CFAP54: variants seen among roughly 807,000 people sequenced by gnomAD.
The protein encoded by CFAP54 is cilia and flagella associated protein 54, also known as cilia- and flagella-associated protein 54.
CFAP54 carries 290 observed loss-of-function variants against 370.4 expected under a neutral mutation model. The observed-to-expected ratio is 0.78, with a 90% CI of 0.71 to 0.86. The LOEUF (loss-of-function observed/expected upper bound fraction) is 0.86. Ranked by LOEUF, CFAP54 falls within the 40% of genes least tolerant of loss-of-function variation. CFAP54 has a pLI of 0.00. For missense variants in CFAP54, 3,399 were observed against 3,528.7 expected (o/e 0.96, Z 0.93); for synonymous variants, 1,206 against 1,236.5 (o/e 0.98, Z 0.52).
At chr12:96,802,294 A>C (rs1388044752) in intron 63 of CFAP54, among the ~76,000 whole-genome samples, 1 of 151,986 alleles carries the variant, frequency 6.6e-6, no homozygotes, top group Admixed American at 6.6e-5. Context: ...CACCCCACCC[A>C]CTCTGGTCAC....
At chr12:96,509,817 A>AAG (rs1230401913) in intron 4 of CFAP54, among the ~76,000 whole-genome samples, 1 of 149,958 alleles carries the variant, frequency 6.7e-6, no homozygotes, top group African/African-American at 2.4e-5. Flanking sequence ...CTCCATCTCA[A>AAG]AAAAAAAAAA....
chr12:96,583,957 G>A (rs1702864388), intron 22 of CFAP54, among the ~76,000 whole-genome samples: 1 of 152,014 alleles, frequency 6.6e-6, no homozygotes, highest in East Asian at 1.9e-4. Context: ...CTGTGTTGGT[G>A]TTAATCAGCA....
rs1393975416 is a variant in CFAP54, at chr12:96,737,103, TG to T, written c.6966-2847del. ...AGAAGTGTTTCAGATTTCAGATTTT[TG>T]GGGGGAGTTTGGAATTTTTGCATTA... is the stretch of plus-strand genomic sequence containing the variant. On this transcript the variant is annotated intron_variant, in intron 50 of 67. Transcript: ENST00000524981. 3.9e-5 allele frequency among the ~76,000 whole-genome samples: 6 copies of T among 152,182 alleles called. No homozygotes were observed. In the East Asian group the frequency reaches 1.2e-3, roughly 29 times the overall value.
intron 66 of CFAP54, among the ~76,000 whole-genome samples, chr12:96,857,651 G>A (rs762527136): frequency 4.6e-5 from 7 of 152,152 alleles, no homozygotes; most frequent in Non-Finnish European, 4.4e-5. Flanking sequence ...GGTGGGAGGT[G>A]ATTGGATAAT....
chr12:96,550,753 C>A (rs1457237955), intron 15 of CFAP54, among the ~76,000 whole-genome samples: 6 of 152,016 alleles, frequency 3.9e-5, no homozygotes, highest in Admixed American at 3.9e-4. Flanking sequence ...ATCCCAGGGG[C>A]CAAAATAGAA....
chr12:96,772,470 C>G (rs1053575926), intron 60 of CFAP54, among the ~76,000 whole-genome samples: 2 of 152,158 alleles, frequency 1.3e-5, no homozygotes, highest in Non-Finnish European at 2.9e-5. Context: ...CTCTCTGACC[C>G]GAAACATACT....
chr12:96,807,876 A>G (rs1366737508), intron 63 of CFAP54, among the ~76,000 whole-genome samples: 11 of 152,044 alleles, frequency 7.2e-5, no homozygotes, highest in African/African-American at 2.7e-4. Context: ...CTTCACATGG[A>G]CTCATTGAGT....
intron 58 of CFAP54, among the ~76,000 whole-genome samples, chr12:96,759,898 G>A (rs759187768): frequency 2.0e-5 from 3 of 152,116 alleles, no homozygotes; most frequent in Non-Finnish European, 4.4e-5. Context: ...TCAGCTAAAC[G>A]TCTTTATTCT....
At chr12:96,794,944 G>C (rs908635731) in intron 63 of CFAP54, among the ~76,000 whole-genome samples, 4 of 152,190 alleles carry the variant, frequency 2.6e-5, no homozygotes, top group Non-Finnish European at 5.9e-5. Flanking sequence ...CGTTGATGTG[G>C]TGTTCTCCCC....
At chr12:96,756,627 C>A in intron 57 of CFAP54, 64 bp downstream of exon 57, 2 of 1,063,160 alleles carry the variant, frequency 1.9e-6, no homozygotes, top group Non-Finnish European at 2.8e-6. Flanking sequence ...TCTTGTAGTA[C>A]ATTGACCACT....
chr12:96,814,158 T>A (rs1958954102), intron 64 of CFAP54, among the ~76,000 whole-genome samples: 1 of 152,238 alleles, frequency 6.6e-6, no homozygotes, highest in Non-Finnish European at 1.5e-5. Flanking sequence ...GAACGGTTTA[T>A]CCTTCCTAGA....
chr12:96,559,714 C>T (rs1955796003), intron 17 of CFAP54, among the ~76,000 whole-genome samples: 1 of 151,950 alleles, frequency 6.6e-6, no homozygotes, highest in African/African-American at 2.4e-5. Context: ...AAGTTGCAGA[C>T]ATTATGATAT....
intron 33 of CFAP54, chr12:96,645,015 A>G (rs1054201044): frequency 3.0e-5 from 11 of 361,402 alleles, no homozygotes; most frequent in Non-Finnish European, 4.5e-5. Flanking sequence ...CAAGGGTAAA[A>G]TGTAATTCCA....
At chr12:96,501,258 A>T (rs1040194640) in intron 2 of CFAP54, 2 of 181,630 alleles carry the variant, frequency 1.1e-5, no homozygotes, top group African/African-American at 4.7e-5. Context: ...CCTACCTTAT[A>T]CAAAGGAGCC....
chr12:96,873,686 A>G (rs1468789778), intron 67 of CFAP54, among the ~76,000 whole-genome samples: 1 of 152,252 alleles, frequency 6.6e-6, no homozygotes, highest in Non-Finnish European at 1.5e-5. Flanking sequence ...CTGCCATTAC[A>G]GTGCAAAAGC....
chr12:96,527,259 G>T lies in CFAP54; in HGVS notation c.1172G>T (p.Arg391Leu). 1.3e-6 allele frequency: 2 copies of T among 1,510,728 alleles called. No individual in the cohort carries two copies. Among genetic ancestry groups the T allele is most frequent in the Non-Finnish European group, 1.8e-6 (2 of 1,135,804 alleles). 93.6% of individuals were successfully genotyped at this position (1,510,728 alleles called of 1,614,324 possible). Residue 391 changes from arginine (R) to leucine (L), a missense_variant, in exon 9 of 68, where the codon CGA becomes CTA. Transcript: ENST00000524981. Reference protein sequence around the residue: ...LREVQTLSWPRTVTERLLDEM... With the variant: ...LREVQTLSWPLTVTERLLDEM... ...TCTCAATTTCAGTTATCATGGCCAC[G>T]AACTGTCACAGAGCGGCTACTGGAT... is the stretch of plus-strand genomic sequence containing the variant.
At chr12:96,805,860 C>G (rs772630230) in intron 63 of CFAP54, among the ~76,000 whole-genome samples, 1 of 151,732 alleles carries the variant, frequency 6.6e-6, no homozygotes, top group Non-Finnish European at 1.5e-5. Context: ...CAGTAGAGGA[C>G]TGGATAAAGA....
At chr12:96,813,409 A>G (rs1958945455) in intron 64 of CFAP54, among the ~76,000 whole-genome samples, 1 of 152,194 alleles carries the variant, frequency 6.6e-6, no homozygotes, top group African/African-American at 2.4e-5. Context: ...CATCCTTTGG[A>G]AGGCAAAGTA....
At position 96,534,120 on chromosome 12, in the gene CFAP54, T is replaced by C; in HGVS notation, c.1598T>C (p.Met533Thr). Residue 533 changes from methionine to threonine, a missense_variant, in exon 11 of 68, where the codon ATG becomes ACG. Met to Thr is a moderately conservative substitution (Grantham distance 81, BLOSUM62 -1). Transcript: ENST00000524981. ...AAGGATTTAACTCTTCTGATTGCAA[T>C]GGAACCACTAATCAACGTGAAGAGA... ...AEKDLTLLIAMEPLINVKRNK... is the reference protein window; with the variant it reads ...AEKDLTLLIATEPLINVKRNK... 6.5e-7 allele frequency: 1 copy of C among 1,534,532 alleles called. No individual in the cohort carries two copies. The highest frequency in any genetic ancestry group is 8.7e-7 in the Non-Finnish European group (1 of 1,145,912).
Sources: allele counts gnomAD v4.1 joint callset (sites outside exome capture counted in the v4.1 genomes callset), GRCh38; gene constraint gnomAD v4.1.1; transcripts MANE v1.5; gene names NCBI Gene and HGNC (gene_info 2026-07-23, HGNC 2026-07-21).